The following FCHSD2 variants were observed in gnomAD, a reference collection of about 807,000 sequenced individuals.
FCHSD2 encodes F-BAR and double SH3 domains protein 2.
In FCHSD2, 38 loss-of-function variants were observed where a neutral mutation model predicts 108.1. The ratio of observed to expected loss-of-function variants is 0.35; its 90% CI spans 0.27 to 0.46. The LOEUF (loss-of-function observed/expected upper bound fraction) is 0.46, where lower values mean the gene tolerates loss of function less well. Ranked by LOEUF, FCHSD2 falls within the 20% of genes least tolerant of loss-of-function variation. The pLI is 1.00. For missense variants in FCHSD2, 751 were observed against 897.8 expected, an observed-to-expected ratio of 0.84 and a Z score of 2.09; for synonymous variants, 279 against 314.7, an observed-to-expected ratio of 0.89 and a Z score of 1.20.
chr11:72,898,610 C>T (rs1027371790), intron 10 of FCHSD2, among the ~76,000 whole-genome samples: 1 of 152,132 alleles, frequency 6.6e-6, no homozygotes, highest in African/African-American at 2.4e-5. Context: ...TGGTTGCATC[C>T]CACTTTCATC....
intron 1 of FCHSD2, 142 bp downstream of exon 1, chr11:73,141,715 A>T: frequency 1.2e-6 from 1 of 859,762 alleles, no homozygotes; most frequent in Non-Finnish European, 1.7e-6. Context: ...CCCCACCTGG[A>T]GCCGGCGGCA....
intron 2 of FCHSD2, among the ~76,000 whole-genome samples, chr11:73,107,702 A>G (rs949861692): frequency 2.0e-5 from 3 of 152,202 alleles, no homozygotes; most frequent in Non-Finnish European, 4.4e-5. Context: ...GTGCAAATTT[A>G]TCTTTTCTGT....
intron 2 of FCHSD2, among the ~76,000 whole-genome samples, chr11:73,098,312 GTTGT>G (rs748991921): frequency 7.2e-5 from 11 of 152,082 alleles, no homozygotes; most frequent in Non-Finnish European, 1.2e-4. Flanking sequence ...TGATCTACTC[GTTGT>G]TTAAGAATAT....
chr11:72,951,813 A>G (rs1856625621), intron 8 of FCHSD2, among the ~76,000 whole-genome samples: 1 of 152,178 alleles, frequency 6.6e-6, no homozygotes, highest in African/African-American at 2.4e-5. Context: ...TAAATTCTTA[A>G]TATCTAACTG....
chr11:72,893,883 C>T (rs1486878824), intron 10 of FCHSD2, among the ~76,000 whole-genome samples: 1 of 152,132 alleles, frequency 6.6e-6, no homozygotes, highest in African/African-American at 2.4e-5. Context: ...ATATATTAGT[C>T]TTTAAGTCAT....
intron 2 of FCHSD2, among the ~76,000 whole-genome samples, chr11:73,124,883 G>C (rs892299848): frequency 5.9e-5 from 9 of 152,032 alleles, no homozygotes; most frequent in Admixed American, 2.0e-4. Context: ...TCAAACTGTA[G>C]GAAACCAAAG....
In FCHSD2 at chr11:72,849,747, A is replaced by G; in HGVS notation, c.1443+8T>C. 6.2e-7 allele frequency: 1 copy of G among 1,603,982 alleles called. No homozygotes were observed. The highest frequency in any genetic ancestry group is 8.5e-7 in the Non-Finnish European group (1 of 1,172,244). On this transcript the variant is annotated splice_region_variant and intron_variant, in intron 14 of 19. Transcript: ENST00000409418. ...AATTTAATAACATTATGTTGGAGAAATACAAACCTTGTAGGAATAAACAAC... is the reference window on the plus strand; with the variant it reads ...AATTTAATAACATTATGTTGGAGAAGTACAAACCTTGTAGGAATAAACAAC...
At chr11:73,099,523 C>A (rs1860166824) in intron 2 of FCHSD2, among the ~76,000 whole-genome samples, 1 of 152,088 alleles carries the variant, frequency 6.6e-6, no homozygotes, top group South Asian at 2.1e-4. Flanking sequence ...TCATAACAGT[C>A]AAGAAGTGGG....
chr11:73,063,187 T>C lies in FCHSD2; in HGVS notation c.165+20508A>G, dbSNP rs189072826. 3.3e-5 allele frequency among the ~76,000 whole-genome samples: 5 copies of C among 152,308 alleles called. No individual in the cohort carries two copies. The East Asian group carries it at 7.7e-4, about 23-fold the overall frequency. On this transcript the variant is annotated intron_variant, in intron 3 of 19. Transcript: ENST00000409418. ...CCCAGAATTTCATATCCAGCCTAAC[T>C]AAGCTTCATAAGCAAAGGAGAAATA...
chr11:72,946,654 T>C (rs182244532), intron 8 of FCHSD2, among the ~76,000 whole-genome samples: 177 of 152,330 alleles, frequency 1.2e-3, no homozygotes, highest in Non-Finnish European at 1.9e-3. Flanking sequence ...TGGAAGTATC[T>C]AGCATATTTT....
chr11:72,940,409 T>A, intron 8 of FCHSD2: 1 of 513,794 alleles, frequency 1.9e-6, no homozygotes, highest in Non-Finnish European at 3.4e-6. Flanking sequence ...GGAAATAATA[T>A]ATGTAATGAG....
chr11:72,960,082 G>C (rs1856795303), intron 8 of FCHSD2, among the ~76,000 whole-genome samples: 1 of 152,048 alleles, frequency 6.6e-6, no homozygotes, highest in East Asian at 1.9e-4. Context: ...AAAAAGGTTT[G>C]GCTCACAGTT....
At chr11:72,934,945 C>T (rs1273881772) in intron 8 of FCHSD2, among the ~76,000 whole-genome samples, 1 of 152,082 alleles carries the variant, frequency 6.6e-6, no homozygotes, top group Non-Finnish European at 1.5e-5. Flanking sequence ...AATTTGAATG[C>T]CTTTAAGCAG....
chr11:73,045,956 C>G (rs1185874660), intron 3 of FCHSD2, among the ~76,000 whole-genome samples: 1 of 145,434 alleles, frequency 6.9e-6, no homozygotes, highest in Non-Finnish European at 1.5e-5. Context: ...CAAAAAACAT[C>G]TCTTGCTTAT....
chr11:73,138,726 G>A (rs141144931), intron 2 of FCHSD2, among the ~76,000 whole-genome samples: 34 of 150,920 alleles, frequency 2.3e-4, no homozygotes, highest in South Asian at 6.3e-4. Flanking sequence ...CTCTGCCTCA[G>A]CCTCCTGAGT....
At chr11:72,979,866 C>A (rs531998128) in intron 8 of FCHSD2, among the ~76,000 whole-genome samples, 14 of 152,162 alleles carry the variant, frequency 9.2e-5, no homozygotes, top group African/African-American at 3.1e-4. Context: ...GGCAACTAGT[C>A]CAGATTAGAA....
At chr11:72,881,777 C>T (rs1855092297) in intron 12 of FCHSD2, among the ~76,000 whole-genome samples, 1 of 152,186 alleles carries the variant, frequency 6.6e-6, no homozygotes, top group Non-Finnish European at 1.5e-5. Flanking sequence ...ATAAGCTAGG[C>T]ACAGAAAGAC....
At chr11:73,068,814 AAAAAAAAAAAAAAAAAAAG>A (rs1328910165) in intron 3 of FCHSD2, among the ~76,000 whole-genome samples, 1 of 46,944 alleles carries the variant, frequency 2.1e-5, no homozygotes, top group African/African-American at 4.9e-5. Context: ...TACAAAAAGT[AAAAAAAAAAAAAAAAAAAG>A]AAAAAGAAAA....
chr11:73,016,225 T>A (rs1591484330), intron 3 of FCHSD2, among the ~76,000 whole-genome samples: 1 of 149,896 alleles, frequency 6.7e-6, no homozygotes, highest in South Asian at 2.1e-4. Flanking sequence ...ATCACTTGAA[T>A]CCAGGAGGCG....
Sources: allele counts gnomAD v4.1 joint callset (sites outside exome capture counted in the v4.1 genomes callset), GRCh38; gene constraint gnomAD v4.1.1; transcripts MANE v1.5; gene names NCBI Gene and HGNC (gene_info 2026-07-23, HGNC 2026-07-21).